LAMA2: variants seen among roughly 807,000 people sequenced by gnomAD.
The protein encoded by LAMA2 is laminin subunit alpha 2.
LAMA2 carries 269 observed loss-of-function variants against 364.8 expected under a neutral mutation model. That is an observed-to-expected ratio of 0.74 (90% CI 0.67 to 0.82). LAMA2 has a LOEUF of 0.82. Among genes scored for constraint, LAMA2 ranks in the 40% least tolerant of loss-of-function variants. The pLI, the probability that LAMA2 is intolerant of heterozygous loss-of-function variation, is 0.00. For synonymous variants in LAMA2, 1,379 were observed against 1,370.6 expected, an observed-to-expected ratio of 1.01 and a Z score of -0.14; for missense variants, 3,807 against 3,873.2, an observed-to-expected ratio of 0.98 and a Z score of 0.45.
chr6:129,158,511 T>A, intron 8 of LAMA2: 3 of 1,614,136 alleles, frequency 1.9e-6, no homozygotes, highest in Non-Finnish European at 2.5e-6. Flanking sequence ...TTTTAGTGAT[T>A]TTCCAACTGG....
chr6:129,072,641 C>A (rs1773393779), intron 3 of LAMA2, among the ~76,000 whole-genome samples: 2 of 151,982 alleles, frequency 1.3e-5, no homozygotes, highest in Non-Finnish European at 2.9e-5. Flanking sequence ...TTCCTCATAA[C>A]TTTCTTACTT....
At chr6:129,373,354 C>T (rs1390818816) in intron 34 of LAMA2, among the ~76,000 whole-genome samples, 1 of 152,084 alleles carries the variant, frequency 6.6e-6, no homozygotes, top group Non-Finnish European at 1.5e-5. Context: ...TTTTAGATTT[C>T]AAAAAACTTG....
chr6:128,953,158 G>A (rs1413146022), intron 1 of LAMA2, among the ~76,000 whole-genome samples: 1 of 152,138 alleles, frequency 6.6e-6, no homozygotes, highest in Non-Finnish European at 1.5e-5. Context: ...GGTATTGCCT[G>A]ATATGTATTT....
chr6:129,213,587 G>A (rs903540470), intron 12 of LAMA2, among the ~76,000 whole-genome samples: 1 of 152,130 alleles, frequency 6.6e-6, no homozygotes, highest in Non-Finnish European at 1.5e-5. Context: ...ATATGTAGTG[G>A]TATATCGTTG....
At chr6:129,412,033 T>G (rs1335295368) in intron 40 of LAMA2, among the ~76,000 whole-genome samples, 1 of 152,118 alleles carries the variant, frequency 6.6e-6, no homozygotes, top group Non-Finnish European at 1.5e-5. Flanking sequence ...AACTTTAGTT[T>G]TCACTAAGAA....
intron 1 of LAMA2, among the ~76,000 whole-genome samples, chr6:128,988,131 G>C (rs772412221): frequency 6.6e-6 from 1 of 152,160 alleles, no homozygotes; most frequent in Non-Finnish European, 1.5e-5. Context: ...CTCCCAAAGT[G>C]CTGGGATTAT....
intron 4 of LAMA2, among the ~76,000 whole-genome samples, chr6:129,124,155 C>T (rs529393656): frequency 2.0e-4 from 30 of 152,166 alleles, no homozygotes; most frequent in Non-Finnish European, 3.5e-4. Flanking sequence ...AAATAATAAT[C>T]GTATCTTGGT....
chr6:129,098,943 A>C (rs2114874698), intron 4 of LAMA2, among the ~76,000 whole-genome samples: 1 of 152,266 alleles, frequency 6.6e-6, no homozygotes, highest in South Asian at 2.1e-4. Flanking sequence ...AGGAAGTCTT[A>C]GGTTCTCAGT....
In LAMA2 at chr6:129,098,343, G is replaced by T. The variant is rs746692025; in HGVS notation, c.567G>T (p.Pro189=). ...LYNIYPRTGP[P]SYAKDDEVIC... is the part of the protein sequence containing the mutation. Reference sequence around the variant, plus strand: ...ATATTTATCCCCGCACTGGGCCACCGTCATATGCCAAAGATGATGAGGTCA... The same window carrying T: ...ATATTTATCCCCGCACTGGGCCACCTTCATATGCCAAAGATGATGAGGTCA... Residue 189 remains proline (P), a synonymous_variant, in exon 4 of 65, where the codon CCG becomes CCT. Coordinates refer to ENST00000421865, the MANE Select transcript of LAMA2 (RefSeq NM_000426.4). 2 of 1,613,786 alleles carry T rather than the reference G, an allele frequency of 1.2e-6. No homozygotes were observed. The highest frequency in any genetic ancestry group is 1.7e-6 in the Non-Finnish European group (2 of 1,179,938).
At chr6:128,932,093 G>T (rs1779521303) in intron 1 of LAMA2, among the ~76,000 whole-genome samples, 1 of 152,070 alleles carries the variant, frequency 6.6e-6, no homozygotes, top group Non-Finnish European at 1.5e-5. Context: ...ATTAAAATAT[G>T]CCCCTATTTT....
At chr6:129,306,658 T>C (rs2114477967) in intron 22 of LAMA2, among the ~76,000 whole-genome samples, 1 of 152,080 alleles carries the variant, frequency 6.6e-6, no homozygotes, top group South Asian at 2.1e-4. Flanking sequence ...TTAATTATTT[T>C]TGTATCTGTA....
chr6:129,478,854 A>G (rs1583846018), intron 54 of LAMA2, 41 bp downstream of exon 54: 1 of 1,577,268 alleles, frequency 6.3e-7, no homozygotes. Flanking sequence ...CATTTATATC[A>G]GATTTCACTT....
intron 35 of LAMA2, among the ~76,000 whole-genome samples, chr6:129,391,266 C>A (rs772200388): frequency 6.6e-6 from 1 of 152,066 alleles, no homozygotes; most frequent in African/African-American, 2.4e-5. Flanking sequence ...AAACACCATG[C>A]TTTAATTGCT....
intron 4 of LAMA2, among the ~76,000 whole-genome samples, chr6:129,126,250 C>T (rs971313269): frequency 3.9e-5 from 6 of 152,078 alleles, no homozygotes; most frequent in African/African-American, 1.2e-4. Flanking sequence ...AATGTCCTTC[C>T]AGCTTGTGGA....
At chr6:129,469,930 C>CT (rs920151372) in intron 51 of LAMA2, among the ~76,000 whole-genome samples, 4 of 151,766 alleles carry the variant, frequency 2.6e-5, no homozygotes, top group Admixed American at 1.3e-4. Flanking sequence ...ACGGATGCTA[C>CT]TTGTGAATGG....
rs1787332375 is a variant in LAMA2, at chr6:129,264,201, A to T, written c.2209-2905A>T. Reference sequence around the variant, plus strand: ...TAGGATCATGGCAGGGAATATAAAAAGAGTTAGCATATTCTATATATATTT... The same window carrying T: ...TAGGATCATGGCAGGGAATATAAAATGAGTTAGCATATTCTATATATATTT... On this transcript the variant is annotated intron_variant, in intron 15 of 64. Coordinates refer to ENST00000421865, the MANE Select transcript of LAMA2 (RefSeq NM_000426.4). Among the ~76,000 whole-genome samples, 10 of 152,336 alleles carry T rather than the reference A, an allele frequency of 6.6e-5. No homozygotes were observed. The South Asian group carries it at 1.9e-3, about 28-fold the overall frequency.
chr6:129,032,561 A>T (rs1009302814), intron 1 of LAMA2, among the ~76,000 whole-genome samples: 1 of 152,200 alleles, frequency 6.6e-6, no homozygotes, highest in Non-Finnish European at 1.5e-5. Context: ...AAGCCAGGAT[A>T]ATCATTTTGA....
intron 20 of LAMA2, among the ~76,000 whole-genome samples, chr6:129,295,027 G>A (rs567823129): frequency 6.6e-6 from 1 of 152,240 alleles, no homozygotes; most frequent in African/African-American, 2.4e-5. Flanking sequence ...TATGAAGCAG[G>A]GTTTTGTCCC....
In LAMA2 at chr6:129,165,669, C is replaced by G. The variant is rs1374568851; in HGVS notation, c.1300C>G (p.Arg434Gly). The change falls in exon 9 of 65, where the codon CGA becomes GGA. Residue 434 changes from arginine (R) to glycine (G), a missense_variant. Arg to Gly is a moderately radical substitution (Grantham distance 125). Around this residue, in one of 3 missense-constraint regions of LAMA2, gnomAD observed 3,333 missense variants for 3,345.7 expected, o/e 1.00. Coordinates refer to ENST00000421865, the MANE Select transcript of LAMA2 (RefSeq NM_000426.4). ...EVCVKDEKHA[R>G]RGLAPGSCHC... ...CTGTGTCAAGGATGAGAAACATGCT[C>G]GACGAGGTGAGAGCTGCAGCAGAAT... 1 of 1,598,944 alleles carries G rather than the reference C, an allele frequency of 6.3e-7. No homozygotes were observed. Among genetic ancestry groups the G allele is most frequent in the Non-Finnish European group, 8.6e-7 (1 of 1,166,796 alleles).
Sources: gnomAD v4.1 joint callset for allele counts (sites outside exome capture counted in the v4.1 genomes callset) on GRCh38, gnomAD v4.1.1 for gene constraint, gnomAD v4.1.1 regional missense constraint, MANE v1.5 for transcripts, NCBI Gene and HGNC (gene_info 2026-07-23, HGNC 2026-07-21) for gene names.